The following LRRC4C variants were observed in gnomAD, a reference collection of about 807,000 sequenced individuals.
LRRC4C encodes leucine rich repeat containing 4C.
A neutral mutation model predicts 33.6 loss-of-function variants in LRRC4C; 5 were observed. The observed-to-expected ratio is 0.15, with a 90% confidence interval of 0.08 to 0.31. LRRC4C has a LOEUF of 0.31. LRRC4C is among the 10% of genes least tolerant of loss of function. The probability of loss-of-function intolerance (pLI) is 1.00; values close to 1 mark genes in which losing one functional copy is unlikely to be tolerated. For synonymous variants in LRRC4C, 329 were observed against 302.0 expected (o/e 1.09, Z -0.93); for missense variants, 560 against 796.7 (o/e 0.70, Z 3.58).
At chr11:41,399,704 T>G (rs532489123) in intron 1 of LRRC4C, among the ~76,000 whole-genome samples, 1 of 152,098 alleles carries the variant, frequency 6.6e-6, no homozygotes, top group African/African-American at 2.4e-5. Context: ...AGGATTTTTT[T>G]TCCTTAAAAA....
At chr11:40,335,004 T>G (rs1430000758) in intron 3 of LRRC4C, among the ~76,000 whole-genome samples, 1 of 152,206 alleles carries the variant, frequency 6.6e-6, no homozygotes, top group African/African-American at 2.4e-5. Context: ...TCCCATGTAT[T>G]TATAACTTTT....
At chr11:41,154,355 CCT>C (rs1944132709) in intron 1 of LRRC4C, among the ~76,000 whole-genome samples, 2 of 152,064 alleles carry the variant, frequency 1.3e-5, no homozygotes, top group Admixed American at 1.3e-4. Context: ...ATCTGTACCA[CCT>C]CTGTTTCTTC....
At chr11:41,214,791 G>A (rs1456546219) in intron 1 of LRRC4C, among the ~76,000 whole-genome samples, 3 of 143,458 alleles carry the variant, frequency 2.1e-5, no homozygotes, top group East Asian at 4.0e-4. Flanking sequence ...ATATATATAT[G>A]TGTGTATATA....
At chr11:40,249,166 C>T (rs1234462158) in intron 4 of LRRC4C, among the ~76,000 whole-genome samples, 1 of 151,976 alleles carries the variant, frequency 6.6e-6, no homozygotes, top group Non-Finnish European at 1.5e-5. Flanking sequence ...GGTGAAACCC[C>T]ATCTCTACTA....
chr11:40,275,823 T>C (rs979976849), intron 4 of LRRC4C, among the ~76,000 whole-genome samples: 1 of 152,174 alleles, frequency 6.6e-6, no homozygotes, highest in African/African-American at 2.4e-5. Context: ...AAGAACATTC[T>C]TTCAATCACA....
chr11:40,192,991 G>A (rs367983057), intron 5 of LRRC4C, among the ~76,000 whole-genome samples: 331 of 152,290 alleles, frequency 2.2e-3, no homozygotes, highest in African/African-American at 7.7e-3. Flanking sequence ...TCCCTGGGAC[G>A]GAGCACATGG....
intron 1 of LRRC4C, among the ~76,000 whole-genome samples, chr11:41,398,915 C>A (rs1169858089): frequency 6.6e-6 from 1 of 151,912 alleles, no homozygotes; most frequent in Non-Finnish European, 1.5e-5. Context: ...TCCACTGCCA[C>A]TTTGTCTATT....
chr11:41,080,795 G>A (rs911471474), intron 1 of LRRC4C, among the ~76,000 whole-genome samples: 1 of 152,186 alleles, frequency 6.6e-6, no homozygotes, highest in African/African-American at 2.4e-5. Flanking sequence ...TTTCCATTTA[G>A]AGGGAGAATT....
At chr11:40,308,776 A>C (rs537495359) in intron 4 of LRRC4C, among the ~76,000 whole-genome samples, 2 of 152,350 alleles carry the variant, frequency 1.3e-5, no homozygotes, top group East Asian at 3.9e-4. Context: ...GAAAAATGTC[A>C]GCAGTGACGG....
At chr11:41,418,595 T>A (rs1954770082) in intron 1 of LRRC4C, among the ~76,000 whole-genome samples, 1 of 151,920 alleles carries the variant, frequency 6.6e-6, no homozygotes, top group African/African-American at 2.4e-5. Context: ...TTCAGAGATA[T>A]CGCCAGCTAG....
At chr11:40,705,136 T>C (rs1294457140) in intron 2 of LRRC4C, among the ~76,000 whole-genome samples, 4 of 152,174 alleles carry the variant, frequency 2.6e-5, no homozygotes, top group Non-Finnish European at 5.9e-5. Context: ...CAAGATAAAG[T>C]AACTTGCTCA....
chr11:40,405,801 G>A (rs1036782768), intron 3 of LRRC4C, among the ~76,000 whole-genome samples: 19 of 151,310 alleles, frequency 1.3e-4, no homozygotes, highest in Admixed American at 2.6e-4. Flanking sequence ...CAGGTTGGAA[G>A]CAAGAATTGG....
chr11:41,397,986 A>G (rs768170564), intron 1 of LRRC4C, among the ~76,000 whole-genome samples: 5 of 151,932 alleles, frequency 3.3e-5, no homozygotes, highest in Non-Finnish European at 7.4e-5. Flanking sequence ...CACTTGTTTC[A>G]TCAGCCTAAT....
intron 2 of LRRC4C, among the ~76,000 whole-genome samples, chr11:40,728,627 A>G (rs1442877540): frequency 6.9e-6 from 1 of 145,442 alleles, no homozygotes; most frequent in African/African-American, 2.5e-5. Flanking sequence ...CTCCGTCTCA[A>G]AAAAAAAAAA....
chr11:40,845,795 C>T (rs540401214), intron 2 of LRRC4C, among the ~76,000 whole-genome samples: 3 of 152,174 alleles, frequency 2.0e-5, no homozygotes, highest in African/African-American at 7.2e-5. Context: ...ACGCTACCAT[C>T]AACAGTGTAA....
intron 3 of LRRC4C, among the ~76,000 whole-genome samples, chr11:40,412,231 T>A (rs1049627050): frequency 1.3e-5 from 2 of 152,026 alleles, no homozygotes; most frequent in Admixed American, 6.6e-5. Flanking sequence ...ACAACAATGG[T>A]ACATAATAAG....
chr11:41,066,722 G>A (rs1275230905), intron 1 of LRRC4C, among the ~76,000 whole-genome samples: 1 of 152,178 alleles, frequency 6.6e-6, no homozygotes, highest in East Asian at 1.9e-4. Context: ...TTTCTCAGCA[G>A]AAACCCTACA....
At chr11:41,129,893 G>A (rs1942931929) in intron 1 of LRRC4C, among the ~76,000 whole-genome samples, 1 of 151,906 alleles carries the variant, frequency 6.6e-6, no homozygotes, top group African/African-American at 2.4e-5. Context: ...ACTTCTGTGA[G>A]GTTGGGATCA....
rs1033775605 is a variant in LRRC4C at position 41,119,047 on chromosome 11, G to A, written c.-495-185324C>T. ...GATTAACTCAAGAGAAGTGTAAAGG[G>A]TACCATGCTTTAACAATTCATTATC... On this transcript the variant is annotated intron_variant, in intron 1 of 6. Transcript: ENST00000528697. 4.6e-5 allele frequency among the ~76,000 whole-genome samples: 7 copies of A among 152,010 alleles called. No homozygotes were observed. In the South Asian group the frequency reaches 1.2e-3, roughly 27 times the overall value.
Sources: allele counts gnomAD v4.1 joint callset (sites outside exome capture counted in the v4.1 genomes callset), GRCh38; gene constraint gnomAD v4.1.1; transcripts MANE v1.5; gene names NCBI Gene and HGNC (gene_info 2026-07-23, HGNC 2026-07-21).